The following FAM184B variants were observed in gnomAD, a reference collection of about 807,000 sequenced individuals.
FAM184B encodes family with sequence similarity 184 member B.
FAM184B carries 111 observed loss-of-function variants against 135.9 expected under a neutral mutation model. The observed-to-expected ratio is 0.82, with a 90% confidence interval of 0.70 to 0.96. The LOEUF (loss-of-function observed/expected upper bound fraction) is 0.96, where lower values mean the gene tolerates loss of function less well. Among genes scored for constraint, FAM184B ranks in the 40% least tolerant of loss-of-function variants. The pLI is 0.00. For synonymous variants in FAM184B, 552 were observed against 524.8 expected (o/e 1.05, Z -0.71); for missense variants, 1,375 against 1,323.9 (o/e 1.04, Z -0.60).
intron 1 of FAM184B, among the ~76,000 whole-genome samples, chr4:17,753,937 G>T (rs1395628333): frequency 6.6e-6 from 1 of 152,190 alleles, no homozygotes; most frequent in Non-Finnish European, 1.5e-5. Flanking sequence ...CCTAAGGGTA[G>T]AATTTATGGT....
chr4:17,714,438 T>A (rs543708516), intron 1 of FAM184B, among the ~76,000 whole-genome samples: 1 of 152,218 alleles, frequency 6.6e-6, no homozygotes, highest in Non-Finnish European at 1.5e-5. Context: ...GAGTTCAAGA[T>A]GGAAGGCATC....
At chr4:17,648,702 G>T (rs1012773490) in intron 11 of FAM184B, among the ~76,000 whole-genome samples, 10 of 152,044 alleles carry the variant, frequency 6.6e-5, no homozygotes, top group East Asian at 3.9e-4. Context: ...TTCCACTGGT[G>T]TGGGGTCTTG....
chr4:17,638,921 C>G (rs1715228760), intron 14 of FAM184B, among the ~76,000 whole-genome samples: 1 of 152,194 alleles, frequency 6.6e-6, no homozygotes, highest in Admixed American at 6.5e-5. Context: ...ACTGAAAGCT[C>G]TGCCTCCTGG....
intron 1 of FAM184B, among the ~76,000 whole-genome samples, chr4:17,742,145 T>TGA (rs1244591740): frequency 1.2e-4 from 1 of 8,598 alleles, no homozygotes; most frequent in Non-Finnish European, 2.6e-4. Flanking sequence ...TGAATATATA[T>TGA]ATATATATAT....
chr4:17,733,007 T>G (rs867728603), intron 1 of FAM184B, among the ~76,000 whole-genome samples: 1 of 152,058 alleles, frequency 6.6e-6, no homozygotes, highest in African/African-American at 2.4e-5. Context: ...TGGGCTTCAT[T>G]CCTGGGATGC....
At chr4:17,744,491 CA>C in intron 1 of FAM184B, among the ~76,000 whole-genome samples, 1 of 110,798 alleles carries the variant, frequency 9.0e-6, no homozygotes, top group African/African-American at 3.9e-5. Context: ...ACACACACAC[CA>C]CACACACACA....
intron 1 of FAM184B, among the ~76,000 whole-genome samples, chr4:17,731,563 G>C (rs1219873061): frequency 6.6e-6 from 1 of 152,052 alleles, no homozygotes; most frequent in African/African-American, 2.4e-5. Flanking sequence ...AACCAACAAA[G>C]ATCAAAAGAG....
chr4:17,660,081 T>G lies in FAM184B; in HGVS notation c.1701A>C (p.Lys567Asn). Residue 567 changes from lysine (K) to asparagine (N), a missense_variant, in exon 9 of 18, where the codon AAA (lysine) becomes AAC (asparagine). Transcript: ENST00000265018. ...GGTCACTTCCCTCCTTGAGAAGCAC[T>G]TTGGTCCTTTGAAGATAAGGATGCC... is the stretch of plus-strand genomic sequence containing the variant. ...GTSSDEEERT[K>N]VLLKEGSDPQ... The G allele has an allele frequency of 1.9e-6, 3 of 1,551,430 alleles. No individual in the cohort carries two copies. Among genetic ancestry groups the G allele is most frequent in the Non-Finnish European group, 2.6e-6 (3 of 1,146,912 alleles).
chr4:17,718,291 C>G (rs1717440805), intron 1 of FAM184B, among the ~76,000 whole-genome samples: 1 of 152,036 alleles, frequency 6.6e-6, no homozygotes, highest in Non-Finnish European at 1.5e-5. Flanking sequence ...TGCTGGGATT[C>G]AAATCCAAAT....
In FAM184B at chr4:17,642,045, G is replaced by C. The variant is rs1430667809; in HGVS notation, c.2519+11C>G. The C allele has an allele frequency of 6.6e-7, 1 of 1,522,276 alleles. No individual in the cohort carries two copies. The allele number at this position is 1,522,276 out of a possible 1,614,324, so 94.3% of individuals were successfully genotyped here. A position where few individuals can be genotyped will look rare whatever the true frequency, so the allele number is the denominator to read the frequency against. The stretch of plus-strand genomic sequence containing the variant: ...GGGTGGCGCGGTGGCGGGGCGCGCC[G>C]GGTCACCCACCTGCGCTGGTCTCGG... On this transcript the variant is annotated intron_variant, in intron 13 of 17. Transcript: ENST00000265018.
At position 17,709,061 on chromosome 4, in the gene FAM184B, T is replaced by C; in HGVS notation, c.725A>G (p.Gln242Arg). ...CTTCTCCTGCCACTGCCACAGGGCC[T>C]GGCTCACCGACTGCTGCATGGCCTG... The part of the protein sequence containing the change: ...IRQAMQQSVS[Q>R]ALWQWQEKES... The change falls in exon 2 of 18, where the codon CAG becomes CGG. Residue 242 changes from glutamine to arginine, a missense_variant. Transcript: ENST00000265018. The C allele has an allele frequency of 6.4e-7, 1 of 1,550,424 alleles. No homozygotes were observed. The highest frequency in any genetic ancestry group is 1.2e-5 in the South Asian group (1 of 84,058).
intron 6 of FAM184B, among the ~76,000 whole-genome samples, chr4:17,691,314 A>G (rs767630199): frequency 4.6e-5 from 7 of 152,212 alleles, no homozygotes; most frequent in Non-Finnish European, 7.3e-5. Flanking sequence ...TGAGGATTAA[A>G]ATAGTAAATG....
Position 17,652,146 on chromosome 4 carries a change from T to TTTTTTTTTTG in FAM184B, c.2191+683_2191+684insCAAAAAAAAA, listed in dbSNP as rs762642185. Among the ~76,000 whole-genome samples the TTTTTTTTTTG allele has an allele frequency of 1.8e-4, 24 of 131,922 alleles. 1 individual carries two copies. The highest frequency in any genetic ancestry group is 2.5e-4 in the Non-Finnish European group (16 of 63,328). 86.5% of individuals were successfully genotyped at this position (131,922 alleles called of 152,430 possible). On this transcript the variant is annotated intron_variant, in intron 11 of 17. Coordinates refer to ENST00000265018, the MANE Select transcript of FAM184B (RefSeq NM_015688.2). The stretch of plus-strand genomic sequence containing the variant: ...TTTAATATCTTTTTTTTTTTTTTTT[T>TTTTTTTTTTG]TTGAGTCTTGCACTGTCGCCCAGGC...
At chr4:17,746,631 C>T (rs1404775043) in intron 1 of FAM184B, among the ~76,000 whole-genome samples, 1 of 151,580 alleles carries the variant, frequency 6.6e-6, no homozygotes, top group Non-Finnish European at 1.5e-5. Flanking sequence ...ACTCAGGAGG[C>T]TGAGGCAGGA....
intron 1 of FAM184B, among the ~76,000 whole-genome samples, chr4:17,742,726 C>T (rs1718071802): frequency 6.6e-6 from 1 of 152,224 alleles, no homozygotes; most frequent in Admixed American, 6.5e-5. Flanking sequence ...ATCCCGTTGG[C>T]AGCCTCCCTT....
intron 1 of FAM184B, among the ~76,000 whole-genome samples, chr4:17,752,193 C>G (rs1718310432): frequency 6.6e-6 from 1 of 152,018 alleles, no homozygotes; most frequent in African/African-American, 2.4e-5. Context: ...GGACTTAGTG[C>G]CAACATACCT....
chr4:17,758,815 G>A (rs1034218253), intron 1 of FAM184B, among the ~76,000 whole-genome samples: 2 of 152,066 alleles, frequency 1.3e-5, no homozygotes, highest in African/African-American at 4.8e-5. Flanking sequence ...CACATCGATC[G>A]TGGTGTTGGA....
chr4:17,773,979 G>A (rs1242819482), intron 1 of FAM184B, among the ~76,000 whole-genome samples: 1 of 152,194 alleles, frequency 6.6e-6, no homozygotes, highest in Admixed American at 6.5e-5. Context: ...TGTGTTTGGG[G>A]TAAGACATTC....
Position 17,658,577 on chromosome 4 carries a change from T to A in FAM184B, c.1825-15A>T. On this transcript the variant is annotated splice_polypyrimidine_tract_variant and intron_variant, in intron 9 of 17. Transcript: ENST00000265018. ...ATCTGTGAGACCTGCGCACAAGGCA[T>A]CCTGCCCTCAGTCTAAGCCCCTTGC... The A allele has an allele frequency of 6.5e-7, 1 of 1,548,662 alleles. No individual in the cohort carries two copies. The highest frequency in any genetic ancestry group is 8.7e-7 in the Non-Finnish European group (1 of 1,145,918).
Sources: allele counts gnomAD v4.1 joint callset (sites outside exome capture counted in the v4.1 genomes callset), GRCh38; gene constraint gnomAD v4.1.1; transcripts MANE v1.5; gene names NCBI Gene and HGNC (gene_info 2026-07-23, HGNC 2026-07-21).